The following THBS4 variants were observed in gnomAD, a reference collection of about 807,000 sequenced individuals.
The protein encoded by THBS4 is thrombospondin-4.
THBS4 carries 90 observed loss-of-function variants against 115.7 expected under a neutral mutation model. The observed-to-expected ratio is 0.78, with a 90% CI of 0.66 to 0.93. The LOEUF (loss-of-function observed/expected upper bound fraction) is 0.93, where lower values mean the gene tolerates loss of function less well. Ranked by LOEUF, THBS4 falls within the 40% of genes least tolerant of loss-of-function variation. THBS4 has a pLI of 0.00. For synonymous variants in THBS4, 460 were observed against 479.3 expected, an observed-to-expected ratio of 0.96 and a Z score of 0.53; for missense variants, 1,087 against 1,232.7, an observed-to-expected ratio of 0.88 and a Z score of 1.77.
intron 2 of THBS4, among the ~76,000 whole-genome samples, chr5:80,000,139 T>C (rs181873952): frequency 1.3e-5 from 2 of 152,302 alleles, no homozygotes; most frequent in Non-Finnish European, 1.5e-5. Flanking sequence ...TTATTATTAA[T>C]TTATATTACT....
chr5:80,043,741 C>G (rs1832976310), intron 2 of THBS4, among the ~76,000 whole-genome samples: 1 of 152,188 alleles, frequency 6.6e-6, no homozygotes, highest in Non-Finnish European at 1.5e-5. Context: ...TGCTTCTACT[C>G]TCACCCTCTC....
intron 2 of THBS4, among the ~76,000 whole-genome samples, chr5:80,016,355 C>T (rs1219073788): frequency 6.6e-6 from 1 of 152,194 alleles, no homozygotes; most frequent in Non-Finnish European, 1.5e-5. Flanking sequence ...TCCCATATAA[C>T]ACCTACACTG....
intron 2 of THBS4, among the ~76,000 whole-genome samples, chr5:80,042,675 G>A (rs976374083): frequency 6.6e-6 from 1 of 152,154 alleles, no homozygotes; most frequent in African/African-American, 2.4e-5. Flanking sequence ...TGAGTCAGCT[G>A]TAAATACCAG....
chr5:80,064,588 G>A lies in THBS4; in HGVS notation c.1126-821G>A, dbSNP rs111495381. Among the ~76,000 whole-genome samples the A allele has an allele frequency of 5.9e-3, 893 of 152,228 alleles. 4 individuals are homozygous for A. Among genetic ancestry groups the A allele is most frequent in the African/African-American group, 0.021 (860 of 41,538 alleles). ...AAAAATACACACAAAAAAATTAGCC[G>A]GGTGTGATGGTGCATGCCTGTGGTC... On this transcript the variant is annotated intron_variant, in intron 8 of 21. Transcript: ENST00000350881.
intron 2 of THBS4, among the ~76,000 whole-genome samples, chr5:80,048,914 A>G (rs1472609570): frequency 1.3e-5 from 2 of 152,242 alleles, no homozygotes; most frequent in African/African-American, 4.8e-5. Flanking sequence ...TTTTAAATGT[A>G]CAATTATTTA....
chr5:80,045,267 T>G (rs1833024614), intron 2 of THBS4, among the ~76,000 whole-genome samples: 1 of 152,156 alleles, frequency 6.6e-6, no homozygotes, highest in Non-Finnish European at 1.5e-5. Flanking sequence ...TCTTTAGTCT[T>G]AGTATGATTG....
intron 21 of THBS4, 68 bp downstream of exon 21, chr5:80,082,613 T>G: frequency 6.3e-7 from 1 of 1,578,522 alleles, no homozygotes; most frequent in Non-Finnish European, 8.6e-7. Flanking sequence ...ACCTTATTTT[T>G]ATACCGCACT....
chr5:79,996,837 G>A (rs1831803093), intron 1 of THBS4, among the ~76,000 whole-genome samples: 2 of 152,116 alleles, frequency 1.3e-5, no homozygotes, highest in South Asian at 2.1e-4. Context: ...AGGGTCCTAG[G>A]TGGAAATAAG....
intron 10 of THBS4, among the ~76,000 whole-genome samples, chr5:80,068,351 C>T (rs1254112636): frequency 6.6e-6 from 1 of 152,150 alleles, no homozygotes; most frequent in Non-Finnish European, 1.5e-5. Flanking sequence ...GGGGGGCAAC[C>T]CTGTCCACTT....
chr5:80,076,622 C>A (rs1743230645), intron 15 of THBS4, among the ~76,000 whole-genome samples: 1 of 152,066 alleles, frequency 6.6e-6, no homozygotes, highest in Non-Finnish European at 1.5e-5. Context: ...AGAAATAGAC[C>A]CTTATCTTCT....
intron 1 of THBS4, among the ~76,000 whole-genome samples, chr5:80,039,625 C>T (rs1403555584): frequency 3.9e-5 from 6 of 152,234 alleles, no homozygotes; most frequent in Admixed American, 1.3e-4. Context: ...TCATTTGTCA[C>T]TGACCAGGAA....
Position 80,070,426 on chromosome 5 carries a change from T to G in THBS4, c.1452+16T>G, listed in dbSNP as rs256438. ...CTGTAAAAAGGTAAGGGGTGTGGGG[T>G]GGCAGTAGGCACACATGCACTGTGG... On this transcript the variant is annotated intron_variant, in intron 11 of 21. Coordinates refer to ENST00000350881, the MANE Select transcript of THBS4 (RefSeq NM_003248.6). 547,449 of 1,609,724 alleles carry G rather than the reference T, an allele frequency of 0.34. 95,242 individuals are homozygous for G. The highest frequency in any genetic ancestry group is 0.36 in the Non-Finnish European group (426,713 of 1,176,444).
rs568792092 is a variant in THBS4 at position 80,021,477 on chromosome 5, A to G, written n.178-18600A>G. On this transcript the variant is annotated intron_variant and non_coding_transcript_variant, in intron 2 of 3. Transcript: ENST00000510218. ...CACATACACACATATGTATAGGCATATGAGATAAAGTAGTGACTCTAAGAG... is the reference window on the plus strand; with the variant it reads ...CACATACACACATATGTATAGGCATGTGAGATAAAGTAGTGACTCTAAGAG... 2.6e-5 allele frequency among the ~76,000 whole-genome samples: 4 copies of G among 152,166 alleles called. No individual in the cohort carries two copies. The East Asian group carries it at 5.8e-4, about 22-fold the overall frequency.
chr5:80,047,231 A>G (rs1833096178), intron 2 of THBS4, among the ~76,000 whole-genome samples: 1 of 152,226 alleles, frequency 6.6e-6, no homozygotes, highest in Non-Finnish European at 1.5e-5. Flanking sequence ...AGGTTAAAGA[A>G]GCTAAGAGTC....
At position 80,035,434 on chromosome 5, in the gene THBS4, GC is replaced by G. The variant is rs968855961; in HGVS notation, c.-102del. The G allele has an allele frequency of 7.9e-6, 6 of 759,362 alleles. No homozygotes were observed. In the East Asian group the frequency reaches 2.3e-4, roughly 29 times the overall value. 47.0% of individuals were successfully genotyped at this position (759,362 alleles called of 1,614,324 possible). On this transcript the variant is annotated 5_prime_UTR_variant, in exon 1 of 22. Transcript: ENST00000350881. This position sits in a 1 kb window ranked among gnomAD's most constrained non-coding sequence, Gnocchi z 4.6. Reference sequence around the variant, plus strand: ...ACGCCGAGCACGGGTCACCTGCGGCGCCGGCCCGGGCGCCGACCGAGGTTCA... The same window carrying G: ...ACGCCGAGCACGGGTCACCTGCGGCGCGGCCCGGGCGCCGACCGAGGTTCA...
chr5:80,016,620 T>G (rs938844030), intron 2 of THBS4, among the ~76,000 whole-genome samples: 3 of 152,202 alleles, frequency 2.0e-5, no homozygotes, highest in Non-Finnish European at 2.9e-5. Flanking sequence ...GAACAAATAA[T>G]ATACACATAT....
At chr5:80,037,592 G>T (rs2059794) in intron 1 of THBS4, among the ~76,000 whole-genome samples, 81,984 of 151,886 alleles carry the variant, frequency 0.54, 22,508 homozygotes, top group African/African-American at 0.63. Flanking sequence ...CATCTCTGCC[G>T]CTTGAGAGAG....
chr5:80,011,503 A>G (rs979613472), intron 2 of THBS4, among the ~76,000 whole-genome samples: 2 of 152,220 alleles, frequency 1.3e-5, no homozygotes, highest in African/African-American at 2.4e-5. Flanking sequence ...AAGGAAAATC[A>G]TTCTTTGATT....
intron 2 of THBS4, among the ~76,000 whole-genome samples, chr5:80,026,536 G>A (rs1832479769): frequency 6.6e-6 from 1 of 152,194 alleles, no homozygotes. Context: ...CCCTTCGCAG[G>A]CCACATGGGC....
Sources: gnomAD v4.1 joint callset for allele counts (sites outside exome capture counted in the v4.1 genomes callset) on GRCh38, gnomAD v4.1.1 for gene constraint, Gnocchi (gnomAD v3.1) non-coding constraint, MANE v1.5 for transcripts, NCBI Gene and HGNC (gene_info 2026-07-23, HGNC 2026-07-21) for gene names.